Variants in SPRED1 observed in about 807,000 individuals in gnomAD.
SPRED1 encodes sprouty-related, EVH1 domain-containing protein 1.
A neutral mutation model predicts 52.3 loss-of-function variants in SPRED1; 18 were observed. That is an observed-to-expected ratio of 0.34 (90% confidence interval 0.24 to 0.51). SPRED1 has a LOEUF of 0.51. Among genes scored for constraint, SPRED1 ranks in the 20% least tolerant of loss-of-function variants. The probability of loss-of-function intolerance (pLI) is 0.97; values close to 1 mark genes in which losing one functional copy is unlikely to be tolerated. For missense variants in SPRED1, 485 were observed against 551.0 expected, an observed-to-expected ratio of 0.88 and a Z score of 1.20; for synonymous variants, 155 against 179.7, an observed-to-expected ratio of 0.86 and a Z score of 1.10.
intron 1 of SPRED1, among the ~76,000 whole-genome samples, chr15:38,270,026 G>C (rs1309707974): frequency 6.6e-6 from 1 of 150,384 alleles, no homozygotes; most frequent in Non-Finnish European, 1.5e-5. Context: ...TCCTGCCTCA[G>C]CCTCCCGAGT....
Position 38,278,864 on chromosome 15 carries a change from G to T in SPRED1, c.33-20509G>T, listed in dbSNP as rs1403706548. On this transcript the variant is annotated intron_variant, in intron 1 of 6. Transcript: ENST00000299084. ...TTTTTGTGAAATGAAGTCTCACTCTGTCGCCTAGGCTGGAGTGCAGTGGCG... is the reference window on the plus strand; with the variant it reads ...TTTTTGTGAAATGAAGTCTCACTCTTTCGCCTAGGCTGGAGTGCAGTGGCG... Among the ~76,000 whole-genome samples, 3 of 118,750 alleles carry T rather than the reference G, an allele frequency of 2.5e-5. No homozygotes were observed. The Admixed American group carries it at 3.6e-4, about 14-fold the overall frequency. 77.9% of individuals were successfully genotyped at this position (118,750 alleles called of 152,430 possible).
At chr15:38,254,657 C>T (rs1894053498) in intron 1 of SPRED1, among the ~76,000 whole-genome samples, 1 of 152,184 alleles carries the variant, frequency 6.6e-6, no homozygotes, top group Admixed American at 6.5e-5. Context: ...TAAAAACATA[C>T]GCACACACAA....
intron 1 of SPRED1, among the ~76,000 whole-genome samples, chr15:38,276,349 C>T (rs946504828): frequency 1.3e-5 from 2 of 151,222 alleles, no homozygotes; most frequent in Non-Finnish European, 2.9e-5. Context: ...TATAAATATG[C>T]GGAAGTGTTA....
intron 1 of SPRED1, among the ~76,000 whole-genome samples, chr15:38,290,193 T>C (rs1175082033): frequency 6.6e-6 from 1 of 152,232 alleles, no homozygotes; most frequent in Non-Finnish European, 1.5e-5. Flanking sequence ...TTGTTGAGAA[T>C]GAATACTTTT....
intron 1 of SPRED1, among the ~76,000 whole-genome samples, chr15:38,264,346 T>C (rs902214179): frequency 6.6e-6 from 1 of 152,202 alleles, no homozygotes; most frequent in Non-Finnish European, 1.5e-5. Context: ...AAGAAAAAAT[T>C]AGCTTGAAGT....
chr15:38,280,460 C>T (rs571196483), intron 1 of SPRED1, among the ~76,000 whole-genome samples: 37 of 152,064 alleles, frequency 2.4e-4, no homozygotes, highest in African/African-American at 7.7e-4. Context: ...GAAAAGATAA[C>T]CTTATCTATA....
At position 38,349,479 on chromosome 15, in the gene SPRED1, C is replaced by T. The variant is rs376699107; in HGVS notation, c.640C>T (p.Arg214Trp). ...GAGCAGAAGTATGGAATACGTACAG[C>T]GGCAAATATCCAAGGAATGTGGAAG... is the stretch of plus-strand genomic sequence containing the variant. ...IQSRSMEYVQ[R>W]QISKECGSLK... Residue 214 changes from arginine to tryptophan, a missense_variant, in exon 6 of 7, where the codon CGG (arginine) becomes TGG (tryptophan). Around this residue, in one of 5 missense-constraint regions of SPRED1, gnomAD observed 232 missense variants for 231.8 expected, o/e 1.00. Transcript: ENST00000299084. 1.8e-5 allele frequency: 29 copies of T among 1,612,370 alleles called. No homozygotes were observed. The highest frequency in any genetic ancestry group is 4.0e-5 in the African/African-American group (3 of 74,836).
chr15:38,315,766 T>C (rs540299254), intron 2 of SPRED1, among the ~76,000 whole-genome samples: 41 of 152,068 alleles, frequency 2.7e-4, no homozygotes, highest in African/African-American at 9.6e-4. Context: ...TACTCAAAAA[T>C]CCTCTTCATA....
In SPRED1 at chr15:38,322,306, C is replaced by T. The variant is rs1895618992; in HGVS notation, c.273C>T (p.His91=). 6.2e-7 allele frequency: 1 copy of T among 1,613,878 alleles called. No homozygotes were observed. The highest frequency in any genetic ancestry group is 2.2e-5 in the East Asian group (1 of 44,814). Residue 91 remains histidine, a synonymous_variant, in exon 3 of 7, where the codon CAC becomes CAT. Coordinates refer to ENST00000299084, the MANE Select transcript of SPRED1 (RefSeq NM_152594.3). ...ATAAGGTCACTCCAACATTTCACCA[C>T]TGGAAGATTGATGACAAGAAGTTTG... is the stretch of plus-strand genomic sequence containing the variant. ...IYNKVTPTFH[H]WKIDDKKFGL... is the part of the protein sequence containing the mutation.
At chr15:38,261,989 C>G (rs1894214367) in intron 1 of SPRED1, among the ~76,000 whole-genome samples, 1 of 137,348 alleles carries the variant, frequency 7.3e-6, no homozygotes, top group Admixed American at 8.0e-5. Flanking sequence ...TCAGCACAGT[C>G]ACCAAACTCT....
At chr15:38,296,589 C>G (rs1019821014) in intron 1 of SPRED1, among the ~76,000 whole-genome samples, 1 of 152,100 alleles carries the variant, frequency 6.6e-6, no homozygotes, top group African/African-American at 2.4e-5. Flanking sequence ...ATGGATTCTA[C>G]TAAGAATTTT....
intron 1 of SPRED1, among the ~76,000 whole-genome samples, chr15:38,285,600 G>C (rs1894789734): frequency 6.6e-6 from 1 of 152,140 alleles, no homozygotes; most frequent in South Asian, 2.1e-4. Flanking sequence ...ATGGGAGGGA[G>C]AATGGCTGGA....
At chr15:38,269,172 A>C (rs1894376064) in intron 1 of SPRED1, among the ~76,000 whole-genome samples, 1 of 151,946 alleles carries the variant, frequency 6.6e-6, no homozygotes, top group South Asian at 2.1e-4. Flanking sequence ...TGGATCTCCT[A>C]ACCTTGTGAT....
At chr15:38,303,481 T>C (rs894042062) in intron 2 of SPRED1, among the ~76,000 whole-genome samples, 7 of 152,160 alleles carry the variant, frequency 4.6e-5, no homozygotes, top group Admixed American at 3.9e-4. Flanking sequence ...GGTTATGTTA[T>C]TTGACCATCT....
Position 38,351,159 on chromosome 15 carries a change from A to AT in SPRED1, c.832dup (p.Ser278PhefsTer7). On this transcript the variant is annotated frameshift_variant, in exon 7 of 7. Transcript: ENST00000299084. LOFTEE classifies it high-confidence loss of function. The stretch of plus-strand genomic sequence containing the variant: ...AATGACTTGGAAAGAGATGATGCTG[A>AT]TTCCAGTATTCAGTTTTCTAAACCA... 1.2e-6 allele frequency: 2 copies of AT among 1,614,132 alleles called. No individual in the cohort carries two copies. Among genetic ancestry groups the AT allele is most frequent in the Non-Finnish European group, 1.7e-6 (2 of 1,180,016 alleles).
At chr15:38,346,188 G>A (rs1293012990) in intron 5 of SPRED1, among the ~76,000 whole-genome samples, 1 of 151,952 alleles carries the variant, frequency 6.6e-6, no homozygotes, top group Non-Finnish European at 1.5e-5. Context: ...ATGGTGGTAC[G>A]CGCCTGTAGT....
At chr15:38,268,933 CT>C (rs1894368597) in intron 1 of SPRED1, among the ~76,000 whole-genome samples, 1 of 132,670 alleles carries the variant, frequency 7.5e-6, no homozygotes, top group Non-Finnish European at 1.6e-5. Flanking sequence ...ATAGTACTAA[CT>C]TTTTTCTTTT....
In SPRED1 at chr15:38,273,422, A is replaced by C. The variant is rs1015729065; in HGVS notation, c.32+20205A>C. Among the ~76,000 whole-genome samples, 109 of 151,654 alleles carry C rather than the reference A, an allele frequency of 7.2e-4. 7 individuals are homozygous for C. Among genetic ancestry groups the C allele is most frequent in the Non-Finnish European group, 7.4e-5 (5 of 67,896 alleles). On this transcript the variant is annotated intron_variant, in intron 1 of 6. Transcript: ENST00000299084. ...ATAGATTGTGTAAGAAGGGTTAAAG[A>C]TTTATTGTCTGTTAACAACATAGAG...
intron 2 of SPRED1, 136 bp from the exon 3 acceptor site, chr15:38,322,105 T>C (rs569822005): frequency 1.2e-6 from 1 of 825,650 alleles, no homozygotes; most frequent in East Asian, 2.7e-5. Context: ...CTTTGTGAAG[T>C]AGACCACTTT....
Sources: allele counts gnomAD v4.1 joint callset (sites outside exome capture counted in the v4.1 genomes callset), GRCh38; gene constraint gnomAD v4.1.1; regional missense constraint gnomAD v4.1.1; transcripts MANE v1.5; gene names NCBI Gene and HGNC (gene_info 2026-07-23, HGNC 2026-07-21).